Variants in FNDC8 observed in about 807,000 individuals in gnomAD.
The protein encoded by FNDC8 is fibronectin type III domain-containing protein 8.
FNDC8 carries 23 observed loss-of-function variants against 24.8 expected under a neutral mutation model. That is an observed-to-expected ratio of 0.93 (90% CI 0.67 to 1.31). FNDC8 has a LOEUF of 1.31. FNDC8 is among the 40% of genes most tolerant of loss of function. The pLI, the probability that FNDC8 is intolerant of heterozygous loss-of-function variation, is 0.00. For missense variants in FNDC8, 371 were observed against 398.2 expected, an observed-to-expected ratio of 0.93 and a Z score of 0.58; for synonymous variants, 158 against 165.3, an observed-to-expected ratio of 0.96 and a Z score of 0.34.
chr17:35,122,206 A>AAAT (rs2091831930), intron 1 of FNDC8, among the ~76,000 whole-genome samples: 1 of 6,842 alleles, frequency 1.5e-4, no homozygotes, highest in African/African-American at 6.9e-4. Flanking sequence ...ATATATATAT[A>AAAT]TAAATTTTTT....
rs766118320 is a variant in FNDC8 at position 35,127,377 on chromosome 17, C to G, written c.545C>G (p.Pro182Arg). The G allele has an allele frequency of 2.0e-5, 31 of 1,581,694 alleles. No homozygotes were observed. The highest frequency in any genetic ancestry group is 9.0e-5 in the East Asian group (4 of 44,628). Reference protein sequence around the residue: ...SSVVVDLPDTPFIFEHTVNNS... With the variant: ...SSVVVDLPDTRFIFEHTVNNS... The stretch of plus-strand genomic sequence containing the variant: ...GTGGTTGTGGACCTGCCGGACACCC[C>G]CTTCATCTTTGAGCACACCGTCAAC... The change falls in exon 2 of 4, where the codon CCC (proline) becomes CGC (arginine). Residue 182 changes from proline to arginine, a missense_variant. By Grantham distance (103) the Pro-to-Arg change is moderately radical. Transcript: ENST00000158009.
intron 1 of FNDC8, among the ~76,000 whole-genome samples, chr17:35,124,509 A>G (rs2091841616): frequency 1.3e-5 from 2 of 152,178 alleles, no homozygotes; most frequent in Non-Finnish European, 1.5e-5. Context: ...CCTGGCTGAG[A>G]GAGTGAGACT....
In FNDC8 at chr17:35,121,718, G is replaced by T; in HGVS notation, c.25G>T (p.Val9Leu). 3 of 1,614,034 alleles carry T rather than the reference G, an allele frequency of 1.9e-6. No individual in the cohort carries two copies. The highest frequency in any genetic ancestry group is 2.5e-6 in the Non-Finnish European group (3 of 1,180,004). The change falls in exon 1 of 4, where the codon GTG (valine) becomes TTG (leucine). Residue 9 changes from valine (V) to leucine (L), a missense_variant. Val to Leu is a conservative substitution (Grantham distance 32). Transcript: ENST00000158009. MASEALHQ[V>L]GDGEEAVLKK... ...GATGGCATCAGAGGCACTCCATCAAGTGGGAGATGGGGAGGAGGCTGTACT... is the reference window on the plus strand; with the variant it reads ...GATGGCATCAGAGGCACTCCATCAATTGGGAGATGGGGAGGAGGCTGTACT...
chr17:35,122,208 A>ATATATATATATATATATAT (rs1567738641), intron 1 of FNDC8, among the ~76,000 whole-genome samples: 1 of 9,152 alleles, frequency 1.1e-4, no homozygotes, highest in Non-Finnish European at 1.8e-4. Flanking sequence ...ATATATATAT[A>ATATATATATATATATATAT]AATTTTTTTT....
At chr17:35,123,596 G>C (rs1156798490) in intron 1 of FNDC8, among the ~76,000 whole-genome samples, 1 of 152,110 alleles carries the variant, frequency 6.6e-6, no homozygotes, top group East Asian at 1.9e-4. Flanking sequence ...AAATTAGCTG[G>C]ATGTGGTGGC....
chr17:35,121,987 C>CTCCCTTCCTTCCTTCCTTCCT, intron 1 of FNDC8, 85 bp downstream of exon 1: 2 of 637,502 alleles, frequency 3.1e-6, no homozygotes, highest in Non-Finnish European at 2.3e-6. Flanking sequence ...TCCTTCCTTC[C>CTCCCTTCCTTCCTTCCTTCCT]TTTTTTTTTT....
chr17:35,123,247 C>T (rs1170666131), intron 1 of FNDC8, among the ~76,000 whole-genome samples: 1 of 152,102 alleles, frequency 6.6e-6, no homozygotes, highest in African/African-American at 2.4e-5. Flanking sequence ...GCACTGGGCT[C>T]CACAGACTAC....
In FNDC8 at chr17:35,127,154, A is replaced by G. The variant is rs1433337410; in HGVS notation, c.322A>G (p.Ser108Gly). The change falls in exon 2 of 4, where the codon AGC becomes GGC. Residue 108 changes from serine (S) to glycine (G), a missense_variant. By Grantham distance (56) the Ser-to-Gly change is moderately conservative (BLOSUM62 0). Coordinates refer to ENST00000158009, the MANE Select transcript of FNDC8 (RefSeq NM_017559.4). ...IKLAVTQPNS[S>G]FFAGMLEGEL... ...ATTAGCTGTGACCCAGCCCAACAGC[A>G]GCTTCTTTGCAGGGATGCTGGAGGG... 1.2e-6 allele frequency: 2 copies of G among 1,614,228 alleles called. No homozygotes were observed. Among genetic ancestry groups the G allele is most frequent in the East Asian group, 2.2e-5 (1 of 44,888 alleles).
Position 35,121,901 on chromosome 17 carries a change from C to G in FNDC8, c.208C>G (p.Leu70Val), listed in dbSNP as rs758272799. ...NFLEDDTINL[L>V]KPLPVEDSDC... ...CTTGGAGGATGATACCATCAACCTA[C>G]TGTAAGTCACAAATCTGGTCCCTCC... Residue 70 changes from leucine (L) to valine (V), a missense_variant and splice_region_variant, in exon 1 of 4, where the codon CTG becomes GTG. Physicochemically the swap from Leu to Val is conservative, Grantham distance 32. Coordinates refer to ENST00000158009, the MANE Select transcript of FNDC8 (RefSeq NM_017559.4). 1.9e-6 allele frequency: 3 copies of G among 1,612,174 alleles called. No homozygotes were observed. The East Asian group carries it at 6.7e-5, about 36-fold the overall frequency.
At chr17:35,125,770 A>C (rs2091846753) in intron 1 of FNDC8, among the ~76,000 whole-genome samples, 1 of 152,166 alleles carries the variant, frequency 6.6e-6, no homozygotes. Flanking sequence ...CCATAGTGAT[A>C]AGATTTTATT....
rs1433675700 is a variant in FNDC8, at chr17:35,127,223, G to A, written c.391G>A (p.Glu131Lys). ...CTTCTCCCCAATGGCCAAGAATGCA[G>A]AAAATGAGGACCTGGCGCTCGGCCC... The part of the protein sequence containing the change: ...LSFSPMAKNA[E>K]NEDLALGPCP... The change falls in exon 2 of 4, where the codon GAA (glutamate) becomes AAA (lysine). Residue 131 changes from glutamate (E) to lysine (K), a missense_variant. Physicochemically the swap from Glu to Lys is moderately conservative, Grantham distance 56. Transcript: ENST00000158009. 3.7e-6 allele frequency: 6 copies of A among 1,613,778 alleles called. No individual in the cohort carries two copies. The highest frequency in any genetic ancestry group is 5.1e-6 in the Non-Finnish European group (6 of 1,179,874).
At chr17:35,130,167 A>G in intron 3 of FNDC8, 115 bp from the exon 4 acceptor site, 2 of 1,481,808 alleles carry the variant, frequency 1.3e-6, no homozygotes, top group Non-Finnish European at 1.8e-6. Flanking sequence ...TAGGTTGGAT[A>G]AGGCTGTTTA....
intron 3 of FNDC8, 44 bp from the exon 4 acceptor site, chr17:35,130,238 A>G: frequency 1.3e-6 from 2 of 1,599,122 alleles, no homozygotes; most frequent in Non-Finnish European, 1.7e-6. Context: ...AGCCAGGTTC[A>G]GATCTGGGAA....
chr17:35,125,822 T>G (rs1166669135), intron 1 of FNDC8, among the ~76,000 whole-genome samples: 1 of 152,244 alleles, frequency 6.6e-6, no homozygotes, highest in Non-Finnish European at 1.5e-5. Context: ...TAATATAATA[T>G]TCTTGATATT....
At chr17:35,122,973 G>A (rs1328244833) in intron 1 of FNDC8, among the ~76,000 whole-genome samples, 1 of 152,136 alleles carries the variant, frequency 6.6e-6, no homozygotes, top group Non-Finnish European at 1.5e-5. Context: ...TTGAGACTGG[G>A]TGCAGTTGAA....
In FNDC8 at chr17:35,129,686, G is replaced by C. The variant is rs199521079; in HGVS notation, c.822+28G>C. 7.2e-5 allele frequency: 115 copies of C among 1,606,016 alleles called. No individual in the cohort carries two copies. The African/African-American group carries it at 9.2e-4, about 13-fold the overall frequency. On this transcript the variant is annotated intron_variant, in intron 3 of 3. Transcript: ENST00000158009. Reference sequence around the variant, plus strand: ...GAGCCCTGGGAAAAGAGGGGCCTTGGGGGTGGAGAGAAGTCCAAAGCCAGG... The same window carrying C: ...GAGCCCTGGGAAAAGAGGGGCCTTGCGGGTGGAGAGAAGTCCAAAGCCAGG...
rs774625655 is a variant in FNDC8 at position 35,130,264 on chromosome 17, TTTC to T, written c.823-15_823-13del. 30 of 1,612,052 alleles carry T rather than the reference TTTC, an allele frequency of 1.9e-5. No individual in the cohort carries two copies. Among genetic ancestry groups the T allele is most frequent in the Non-Finnish European group, 2.5e-5 (29 of 1,178,938 alleles). On this transcript the variant is annotated splice_polypyrimidine_tract_variant and intron_variant, in intron 3 of 3. Transcript: ENST00000158009. ...GATCTGGGAAGGAACTCTGAAGGGT[TTTC>T]TTGTTTCACTTCAGTTTGCAACCCT...
At chr17:35,122,191 TA>T (rs1567738506) in intron 1 of FNDC8, among the ~76,000 whole-genome samples, 3 of 22,344 alleles carry the variant, frequency 1.3e-4, no homozygotes, top group African/African-American at 7.1e-4. Flanking sequence ...TATATATATA[TA>T]TATATATATA....
chr17:35,130,025 G>A, intron 3 of FNDC8: 2 of 1,391,148 alleles, frequency 1.4e-6, no homozygotes, highest in Non-Finnish European at 1.9e-6. Flanking sequence ...GAAGGGAACA[G>A]CCTGGGTATG....
Sources: gnomAD v4.1 joint callset for allele counts (sites outside exome capture counted in the v4.1 genomes callset) on GRCh38, gnomAD v4.1.1 for gene constraint, MANE v1.5 for transcripts, NCBI Gene and HGNC (gene_info 2026-07-23, HGNC 2026-07-21) for gene names.